Variants in ANKRD33B observed in about 807,000 individuals in gnomAD.
The protein encoded by ANKRD33B is ankyrin repeat domain 33B.
Under a neutral mutation model 21.5 loss-of-function variants are expected in ANKRD33B, and 6 were observed. The ratio of observed to expected loss-of-function variants is 0.28; its 90% confidence interval spans 0.15 to 0.55. ANKRD33B has a LOEUF of 0.55. Ranked by LOEUF, ANKRD33B falls within the 20% of genes least tolerant of loss-of-function variation. The pLI is 0.94. For missense variants in ANKRD33B, 698 were observed against 747.2 expected (o/e 0.93, Z 0.77); for synonymous variants, 347 against 342.4 (o/e 1.01, Z -0.15).
chr5:10,632,554 C>G (rs1434526473), intron 2 of ANKRD33B, among the ~76,000 whole-genome samples: 3 of 152,146 alleles, frequency 2.0e-5, no homozygotes, highest in African/African-American at 7.2e-5. Flanking sequence ...TTTAGGAGCT[C>G]TCTGAATCAA....
At chr5:10,614,909 C>A (rs1477711323) in intron 1 of ANKRD33B, among the ~76,000 whole-genome samples, 2 of 151,832 alleles carry the variant, frequency 1.3e-5, no homozygotes, top group African/African-American at 4.8e-5. Context: ...AAGTGATGTT[C>A]TTAGGTTTCT....
chr5:10,589,218 C>T (rs1735631706), intron 1 of ANKRD33B, among the ~76,000 whole-genome samples: 1 of 152,180 alleles, frequency 6.6e-6, no homozygotes, highest in Non-Finnish European at 1.5e-5. Context: ...CCACAGGCCC[C>T]TCCGTTTCTC....
chr5:10,586,550 C>T (rs1029208683), intron 1 of ANKRD33B, among the ~76,000 whole-genome samples: 7 of 148,918 alleles, frequency 4.7e-5, no homozygotes, highest in Non-Finnish European at 8.9e-5. Flanking sequence ...GCTTTCTTCT[C>T]TTTATTTTCC....
At chr5:10,644,559 A>C (rs890707595) in intron 3 of ANKRD33B, among the ~76,000 whole-genome samples, 1 of 152,208 alleles carries the variant, frequency 6.6e-6, no homozygotes, top group Non-Finnish European at 1.5e-5. Context: ...TCCAAGGCGC[A>C]AAGTGGATTT....
chr5:10,571,044 GAAAACA>G (rs1735176892), intron 1 of ANKRD33B, among the ~76,000 whole-genome samples: 1 of 151,696 alleles, frequency 6.6e-6, no homozygotes, highest in Non-Finnish European at 1.5e-5. Flanking sequence ...CTGCCAACCT[GAAAACA>G]AACAACAGGT....
chr5:10,615,620 A>C (rs371915725), intron 1 of ANKRD33B, among the ~76,000 whole-genome samples: 1 of 152,218 alleles, frequency 6.6e-6, no homozygotes, highest in African/African-American at 2.4e-5. Flanking sequence ...AAATGTGTGC[A>C]TATGTGTGTG....
intron 1 of ANKRD33B, among the ~76,000 whole-genome samples, chr5:10,607,276 G>A (rs568661748): frequency 6.6e-6 from 1 of 152,284 alleles, no homozygotes; most frequent in South Asian, 2.1e-4. Flanking sequence ...GTTGTGCGCC[G>A]GCTAGAGGGG....
rs59222148 is a variant in ANKRD33B at position 10,637,425 on chromosome 5, GACACAC to G, written c.497-570_497-565del. On this transcript the variant is annotated intron_variant, in intron 2 of 3. Transcript: ENST00000296657. The stretch of plus-strand genomic sequence containing the variant: ...GGATGTGTGTGGGCGTAGGTAGTTA[GACACAC>G]ACACACACACACACACACACACACA... Among the ~76,000 whole-genome samples the G allele has an allele frequency of 6.1e-3, 615 of 100,370 alleles. 4 individuals are homozygous for G. Among genetic ancestry groups the G allele is most frequent in the South Asian group, 0.016 (40 of 2,566 alleles). The allele number at this position is 100,370 out of a possible 152,430, so 65.8% of individuals were successfully genotyped here.
Position 10,650,255 on chromosome 5 carries a change from TTGTC to T in ANKRD33B, c.*143_*146del. ...GGGGCTGCGCGCATTTCCAGGCTGT[TTGTC>T]CAGGCTGCTTCCAAGAGAGGGCTGA... On this transcript the variant is annotated 3_prime_UTR_variant, in exon 4 of 4. Transcript: ENST00000296657. 2 of 949,730 alleles carry T rather than the reference TTGTC, an allele frequency of 2.1e-6. No individual in the cohort carries two copies. The highest frequency in any genetic ancestry group is 5.1e-5 in the South Asian group (2 of 39,212). The allele number at this position is 949,730 out of a possible 1,614,324, so 58.8% of individuals were successfully genotyped here.
intron 2 of ANKRD33B, among the ~76,000 whole-genome samples, chr5:10,632,771 T>TTTTTTA (rs542281130): frequency 1.2e-3 from 181 of 152,288 alleles, no homozygotes; most frequent in African/African-American, 4.2e-3. Context: ...TAGTTTCCCC[T>TTTTTTA]TTTTTATTTT....
At chr5:10,572,561 C>T (rs559001274) in intron 1 of ANKRD33B, among the ~76,000 whole-genome samples, 3 of 152,306 alleles carry the variant, frequency 2.0e-5, no homozygotes, top group South Asian at 2.1e-4. Context: ...GAGGCAGTTC[C>T]GGTGTGGTCT....
intron 2 of ANKRD33B, among the ~76,000 whole-genome samples, chr5:10,618,727 C>T (rs548487930): frequency 1.8e-4 from 27 of 152,272 alleles, no homozygotes; most frequent in Admixed American, 6.5e-4. Flanking sequence ...CCCTTGTCAC[C>T]GCTTCACCTG....
rs896699787 is a variant in ANKRD33B, at chr5:10,564,399, C to T, written c.-69C>T. On this transcript the variant is annotated 5_prime_UTR_variant, in exon 1 of 4. Transcript: ENST00000296657. ...ACGCAGAAGCGAGAAGCGGGGACCT[C>T]GGCGCGCGCCCCGCGTCCCGCTCTT... The T allele has an allele frequency of 4.0e-6, 4 of 987,980 alleles. No individual in the cohort carries two copies. Among genetic ancestry groups the T allele is most frequent in the South Asian group, 4.7e-5 (1 of 21,228 alleles). The allele number at this position is 987,980 out of a possible 1,614,324, so 61.2% of individuals were successfully genotyped here.
chr5:10,620,257 G>A (rs1413976421), intron 2 of ANKRD33B, among the ~76,000 whole-genome samples: 1 of 152,158 alleles, frequency 6.6e-6, no homozygotes, highest in African/African-American at 2.4e-5. Context: ...GAGGAGAGCT[G>A]GGGGTCTAGG....
intron 2 of ANKRD33B, among the ~76,000 whole-genome samples, chr5:10,621,995 A>AT (rs1366505427): frequency 6.6e-6 from 1 of 152,228 alleles, no homozygotes; most frequent in African/African-American, 2.4e-5. Flanking sequence ...CACAGTGAGA[A>AT]GACAGCTGCC....
chr5:10,618,370 A>G lies in ANKRD33B; in HGVS notation c.404A>G (p.Asp135Gly). ...GTCGCCTGCTACCACGGCTTTGTGGATACCGTGGTGGCCTTAGCAGAGTGC... is the reference window on the plus strand; with the variant it reads ...GTCGCCTGCTACCACGGCTTTGTGGGTACCGTGGTGGCCTTAGCAGAGTGC... ...LIVACYHGFV[D>G]TVVALAECPH... Residue 135 changes from aspartate to glycine, a missense_variant, in exon 2 of 4, where the codon GAT (aspartate) becomes GGT (glycine). Physicochemically the swap from Asp to Gly is moderately conservative, Grantham distance 94 (BLOSUM62 -1). Transcript: ENST00000296657. The G allele has an allele frequency of 6.5e-7, 1 of 1,537,792 alleles. No individual in the cohort carries two copies. The highest frequency in any genetic ancestry group is 8.7e-7 in the Non-Finnish European group (1 of 1,147,020).
At chr5:10,618,212 G>A in intron 1 of ANKRD33B, 121 bp from the exon 2 acceptor site, 2 of 1,328,258 alleles carry the variant, frequency 1.5e-6, no homozygotes, top group Non-Finnish European at 2.0e-6. Flanking sequence ...TGGGACTCCA[G>A]GTCCCTGTCA....
chr5:10,641,782 A>G (rs1197272581), intron 3 of ANKRD33B, among the ~76,000 whole-genome samples: 1 of 148,358 alleles, frequency 6.7e-6, no homozygotes, highest in East Asian at 2.0e-4. Flanking sequence ...GGCTTCAAAG[A>G]TGAAAACTTT....
At chr5:10,581,766 G>C (rs1579714916) in intron 1 of ANKRD33B, among the ~76,000 whole-genome samples, 2 of 152,230 alleles carry the variant, frequency 1.3e-5, no homozygotes, top group Non-Finnish European at 2.9e-5. Flanking sequence ...CAAAAACTGA[G>C]GTTTCCTGGA....
Sources: gnomAD v4.1 joint callset for allele counts (sites outside exome capture counted in the v4.1 genomes callset) on GRCh38, gnomAD v4.1.1 for gene constraint, MANE v1.5 for transcripts, NCBI Gene and HGNC (gene_info 2026-07-23, HGNC 2026-07-21) for gene names.